Variants in LHX8 observed in about 807,000 individuals in gnomAD.
The protein encoded by LHX8 is LIM homeobox 8, also known as LIM/homeobox protein Lhx8.
In LHX8, 12 loss-of-function variants were observed where a neutral mutation model predicts 40.3. The ratio of observed to expected loss-of-function variants is 0.30; its 90% confidence interval spans 0.19 to 0.48. The LOEUF (loss-of-function observed/expected upper bound fraction) is 0.48, where lower values mean the gene tolerates loss of function less well. Ranked by LOEUF, LHX8 falls within the 20% of genes least tolerant of loss-of-function variation. LHX8 has a pLI of 0.99. For missense variants in LHX8, 344 were observed against 433.7 expected, an observed-to-expected ratio of 0.79 and a Z score of 1.84; for synonymous variants, 179 against 162.0, an observed-to-expected ratio of 1.10 and a Z score of -0.80.
At chr1:75,139,848 T>C (rs573448232) in intron 3 of LHX8, among the ~76,000 whole-genome samples, 1 of 152,320 alleles carries the variant, frequency 6.6e-6, no homozygotes, top group Admixed American at 6.5e-5. Flanking sequence ...TGTTGGACCG[T>C]AGTTCTAATT....
At chr1:75,176,464 T>C in the LHX8 span, among the ~76,000 whole-genome samples, 1 of 152,268 alleles carries the variant, frequency 6.6e-6, no homozygotes, top group Non-Finnish European at 1.5e-5. Flanking sequence ...GCTGCATAAA[T>C]GTCTTCTTTT....
the LHX8 span, among the ~76,000 whole-genome samples, chr1:75,199,247 G>A: frequency 6.9e-3 from 1,051 of 152,144 alleles, 16 homozygotes; most frequent in African/African-American, 0.024. Flanking sequence ...TGTGCTTTAG[G>A]TTCTCCAGCC....
At chr1:75,172,103 C>G in the LHX8 span, among the ~76,000 whole-genome samples, 1 of 152,194 alleles carries the variant, frequency 6.6e-6, no homozygotes, top group Non-Finnish European at 1.5e-5. Context: ...AAAAATTCCT[C>G]TCTTGCAACA....
chr1:75,147,050 C>G (rs1286296201), intron 6 of LHX8, among the ~76,000 whole-genome samples: 1 of 152,206 alleles, frequency 6.6e-6, no homozygotes, highest in East Asian at 1.9e-4. Flanking sequence ...AGAAACATAA[C>G]TCTATTTTCA....
chr1:75,148,693 T>TA lies in LHX8; in HGVS notation c.780+12dup. Reference sequence around the variant, plus strand: ...AGACGTGTGATACAGGTGATTACTTTACTTTTTTTTTTTTTTAAGGTTTTT... The same window carrying TA: ...AGACGTGTGATACAGGTGATTACTTTAACTTTTTTTTTTTTTTAAGGTTTTT... On this transcript the variant is annotated intron_variant, in intron 7 of 8. Transcript: ENST00000356261. The TA allele has an allele frequency of 6.5e-7, 1 of 1,526,840 alleles. No homozygotes were observed. Among genetic ancestry groups the TA allele is most frequent in the Non-Finnish European group, 8.8e-7 (1 of 1,133,746 alleles). 94.6% of individuals were successfully genotyped at this position (1,526,840 alleles called of 1,614,324 possible).
chr1:75,172,568 T>C, the LHX8 span, among the ~76,000 whole-genome samples: 1 of 152,218 alleles, frequency 6.6e-6, no homozygotes, highest in Non-Finnish European at 1.5e-5. Flanking sequence ...TTCACATCAT[T>C]TCCCTTACCA....
upstream of LHX8, chr1:75,132,543 G>A (rs1171312369): frequency 6.6e-6 from 1 of 152,160 alleles, no homozygotes; most frequent in Admixed American, 6.5e-5. Context: ...CACTTATGCA[G>A]AGATAGACGC....
Position 75,148,685 on chromosome 1 carries a change from G to A in LHX8, c.780+3G>A. 1 of 1,584,042 alleles carries A rather than the reference G, an allele frequency of 6.3e-7. No homozygotes were observed. ...GCTTGAGCAGACGTGTGATACAGGT[G>A]ATTACTTTACTTTTTTTTTTTTTTA... is the stretch of plus-strand genomic sequence containing the variant. On this transcript the variant is annotated splice_donor_region_variant and intron_variant, in intron 7 of 8. Transcript: ENST00000356261.
At position 75,137,210 on chromosome 1, in the gene LHX8, G is replaced by A; in HGVS notation, c.186G>A (p.Lys62=). 1 of 1,613,680 alleles carries A rather than the reference G, an allele frequency of 6.2e-7. No homozygotes were observed. The highest frequency in any genetic ancestry group is 2.2e-5 in the East Asian group (1 of 44,862). The change falls in exon 3 of 9, where the codon AAG becomes AAA. Residue 62 remains lysine, a synonymous_variant. Coordinates refer to ENST00000356261, the MANE Select transcript of LHX8 (RefSeq NM_001256114.2). ...MASGSGCPPG[K]CVCNSCGLEI... is the part of the protein sequence containing the mutation. The stretch of plus-strand genomic sequence containing the variant: ...CGGGCTCCGGCTGCCCTCCTGGCAA[G>A]TGTGTGTGCAACAGTTGCGGCCTGG...
downstream of LHX8, among the ~76,000 whole-genome samples, chr1:75,162,340 CTG>C (rs1314800943): frequency 6.6e-6 from 1 of 151,796 alleles, no homozygotes; most frequent in Non-Finnish European, 1.5e-5. Flanking sequence ...ATGCTAATCT[CTG>C]TGGGTTTTTG....
At chr1:75,154,402 T>C (rs1032044224) in intron 7 of LHX8, among the ~76,000 whole-genome samples, 1 of 149,488 alleles carries the variant, frequency 6.7e-6, no homozygotes, top group African/African-American at 2.5e-5. Flanking sequence ...TTTTTTTTTT[T>C]CAATCAAAAG....
chr1:75,182,365 T>G, the LHX8 span, among the ~76,000 whole-genome samples: 2 of 135,632 alleles, frequency 1.5e-5, no homozygotes, highest in African/African-American at 2.7e-5. Context: ...TACATGCCTA[T>G]TTCCTTTTTT....
At chr1:75,189,832 C>T in the LHX8 span, among the ~76,000 whole-genome samples, 1 of 152,296 alleles carries the variant, frequency 6.6e-6, no homozygotes, top group Admixed American at 6.5e-5. Flanking sequence ...AAGACCAGGA[C>T]AGCTTTGTTA....
At chr1:75,166,513 G>A (rs1166194277), downstream of LHX8, among the ~76,000 whole-genome samples, 1 of 152,194 alleles carries the variant, frequency 6.6e-6, no homozygotes, top group Non-Finnish European at 1.5e-5. Flanking sequence ...GAACCAGGGT[G>A]ATGTCTCTAG....
At chr1:75,162,499 G>A (rs1253507797), downstream of LHX8, among the ~76,000 whole-genome samples, 4 of 152,120 alleles carry the variant, frequency 2.6e-5, no homozygotes, top group Non-Finnish European at 5.9e-5. Context: ...TAGCTTGGGA[G>A]GTGGCTGATT....
chr1:75,192,673 T>C, the LHX8 span, among the ~76,000 whole-genome samples: 1 of 150,790 alleles, frequency 6.6e-6, no homozygotes, highest in African/African-American at 2.5e-5. Context: ...TCATACATTG[T>C]GTCCAGGCGC....
chr1:75,155,230 CT>C (rs57009636), intron 7 of LHX8, among the ~76,000 whole-genome samples: 102 of 94,372 alleles, frequency 1.1e-3, no homozygotes, highest in African/African-American at 3.0e-3. Context: ...GAAACACTCT[CT>C]TTTTTTTTTT....
downstream of LHX8, among the ~76,000 whole-genome samples, chr1:75,162,252 ATT>A (rs34196923): frequency 1.4e-5 from 2 of 147,344 alleles, no homozygotes; most frequent in South Asian, 2.2e-4. Context: ...AAGGGGAGGG[ATT>A]TTTTTTTTTT....
At position 75,137,112 on chromosome 1, in the gene LHX8, G is replaced by A; in HGVS notation, c.88G>A (p.Gly30Arg). 6.2e-7 allele frequency: 1 copy of A among 1,605,580 alleles called. No homozygotes were observed. Residue 30 changes from glycine to arginine, a missense_variant, in exon 3 of 9, where the codon GGA becomes AGA. Gly to Arg is a moderately radical substitution (Grantham distance 125, BLOSUM62 -2). Around this residue, in one of 3 missense-constraint regions of LHX8, gnomAD observed 108 missense variants for 90.1 expected, o/e 1.20. Coordinates refer to ENST00000356261, the MANE Select transcript of LHX8 (RefSeq NM_001256114.2). ...CGGTTTCCTGCAGGTGAGCCCCGAG[G>A]GAGCGGGGGACGAGGACTCGTGCTC... The part of the protein sequence containing the change: ...AGEEGLVSPE[G>R]AGDEDSCSSS...
Sources: gnomAD v4.1 joint callset for allele counts (sites outside exome capture counted in the v4.1 genomes callset) on GRCh38, gnomAD v4.1.1 for gene constraint, gnomAD v4.1.1 regional missense constraint, MANE v1.5 for transcripts, NCBI Gene and HGNC (gene_info 2026-07-23, HGNC 2026-07-21) for gene names.